The following PHC3 variants were observed in gnomAD, a reference collection of about 807,000 sequenced individuals.
The protein encoded by PHC3 is polyhomeotic-like protein 3.
Under a neutral mutation model 107.4 loss-of-function variants are expected in PHC3, and 13 were observed. That is an observed-to-expected ratio of 0.12 (90% CI 0.08 to 0.19). The LOEUF (loss-of-function observed/expected upper bound fraction) is 0.19, where lower values mean the gene tolerates loss of function less well. Among genes scored for constraint, PHC3 ranks in the 10% least tolerant of loss-of-function variants. The pLI, the probability that PHC3 is intolerant of heterozygous loss-of-function variation, is 1.00. For synonymous variants in PHC3, 456 were observed against 427.4 expected, an observed-to-expected ratio of 1.07 and a Z score of -0.83; for missense variants, 992 against 1,210.9, an observed-to-expected ratio of 0.82 and a Z score of 2.68.
chr3:170,172,572 G>A lies in PHC3; in HGVS notation c.321C>T (p.Ser107=). 2 of 1,613,164 alleles carry A rather than the reference G, an allele frequency of 1.2e-6. No homozygotes were observed. Among genetic ancestry groups the A allele is most frequent in the Non-Finnish European group, 1.7e-6 (2 of 1,179,698 alleles). Residue 107 remains serine (S), a synonymous_variant, in exon 3 of 15, where the codon AGC becomes AGT. Coordinates refer to ENST00000495893, the MANE Select transcript of PHC3 (RefSeq NM_024947.4). ...TTAGTCTTACCTGAACAGCAGCAAG[G>A]CTCTGAAGCTGGGAGCTGCTTAAAT... is the stretch of plus-strand genomic sequence containing the variant. The part of the protein sequence containing the change: ...QQHLSSSQLQ[S]LAAVQASLSS...
In PHC3 at chr3:170,102,880, A is replaced by C; in HGVS notation, c.2523T>G (p.Pro841=). 6.2e-7 allele frequency: 1 copy of C among 1,613,756 alleles called. No homozygotes were observed. Among genetic ancestry groups the C allele is most frequent in the African/African-American group, 1.3e-5 (1 of 75,038 alleles). The change falls in exon 13 of 15, where the codon CCT becomes CCG. Residue 841 remains proline, a synonymous_variant. Transcript: ENST00000495893. The stretch of plus-strand genomic sequence containing the variant: ...CACGATGCCCAAGACTTTGATTATC[A>C]GGCTTACGATTCCAACGACTAAGTG... ...KFALSRWNRK[P]DNQSLGHRGR...
chr3:170,154,892 T>C (rs775626200), intron 4 of PHC3, among the ~76,000 whole-genome samples: 8 of 152,206 alleles, frequency 5.3e-5, no homozygotes, highest in Non-Finnish European at 1.2e-4. Flanking sequence ...CTTTTTCCTG[T>C]GTTGCTCTGC....
At chr3:170,116,857 G>A (rs1422128955) in intron 10 of PHC3, among the ~76,000 whole-genome samples, 1 of 151,656 alleles carries the variant, frequency 6.6e-6, no homozygotes, top group Non-Finnish European at 1.5e-5. Context: ...GTAACAGTGA[G>A]CCATGATCGC....
At chr3:170,143,749 G>A (rs1171724414) in intron 6 of PHC3, among the ~76,000 whole-genome samples, 1 of 152,030 alleles carries the variant, frequency 6.6e-6, no homozygotes, top group Non-Finnish European at 1.5e-5. Context: ...AATGAGTTTT[G>A]ACATATCTAT....
intron 8 of PHC3, chr3:170,125,851 CA>C (rs1721158210): frequency 3.5e-6 from 1 of 283,828 alleles, no homozygotes; most frequent in Admixed American, 6.5e-5. Flanking sequence ...TTGAAAAAAG[CA>C]AAGTGGAGGT....
intron 12 of PHC3, 43 bp downstream of exon 12, chr3:170,106,789 G>T: frequency 1.4e-6 from 2 of 1,425,582 alleles, no homozygotes; most frequent in South Asian, 1.3e-5. Context: ...AGTTGCAATG[G>T]CTATTTATCT....
intron 1 of PHC3, among the ~76,000 whole-genome samples, chr3:170,180,860 T>C (rs928711544): frequency 2.0e-5 from 3 of 152,120 alleles, no homozygotes. Context: ...AGTCTAAACA[T>C]CGGTTGAGCG....
chr3:170,127,557 A>G (rs1417704040), intron 8 of PHC3, among the ~76,000 whole-genome samples: 1 of 152,236 alleles, frequency 6.6e-6, no homozygotes, highest in Non-Finnish European at 1.5e-5. Context: ...ACAAAAATCT[A>G]TACATTTGTA....
rs1384028354 is a variant in PHC3, at chr3:170,115,228, TATGG to T, written c.2194-1713_2194-1710del. On this transcript the variant is annotated intron_variant, in intron 10 of 14. Transcript: ENST00000495893. ...ACAATAATGGAAAGATTACATAAAT[TATGG>T]ATGTTCATAAAGTGAAATATTATGT... Among the ~76,000 whole-genome samples, 4 of 152,090 alleles carry T rather than the reference TATGG, an allele frequency of 2.6e-5. No individual in the cohort carries two copies. The East Asian group carries it at 7.7e-4, about 29-fold the overall frequency.
intron 8 of PHC3, 108 bp from the exon 9 acceptor site, chr3:170,122,852 G>C: frequency 3.1e-6 from 4 of 1,284,578 alleles, no homozygotes; most frequent in Non-Finnish European, 1.1e-6. Flanking sequence ...TAAAAACAAG[G>C]CAAAAATGAC....
chr3:170,135,468 G>C (rs1722925650), intron 7 of PHC3, among the ~76,000 whole-genome samples: 1 of 150,670 alleles, frequency 6.6e-6, no homozygotes, highest in South Asian at 2.1e-4. Context: ...TTTTTTTAAT[G>C]AAACATTTGT....
intron 4 of PHC3, among the ~76,000 whole-genome samples, chr3:170,160,797 C>A (rs913753137): frequency 1.3e-5 from 2 of 152,070 alleles, no homozygotes; most frequent in African/African-American, 4.8e-5. Flanking sequence ...ATCCCAGTTA[C>A]TCAGGAGGCT....
intron 6 of PHC3, among the ~76,000 whole-genome samples, chr3:170,143,689 CA>C (rs1319733597): frequency 1.3e-5 from 2 of 152,196 alleles, no homozygotes; most frequent in Admixed American, 1.3e-4. Context: ...CACTCTAATT[CA>C]TTCTTGTCAA....
intron 7 of PHC3, among the ~76,000 whole-genome samples, chr3:170,131,373 T>C (rs1233005556): frequency 6.6e-6 from 1 of 152,230 alleles, no homozygotes; most frequent in Non-Finnish European, 1.5e-5. Context: ...CTCTCATTCA[T>C]ACTTACAAAA....
intron 8 of PHC3, chr3:170,128,391 G>A: frequency 1.5e-6 from 2 of 1,335,864 alleles, no homozygotes; most frequent in South Asian, 2.6e-5. Context: ...GCATTCCCTT[G>A]GGGAAAAAAA....
intron 6 of PHC3, among the ~76,000 whole-genome samples, chr3:170,140,187 G>A (rs1723803215): frequency 6.8e-6 from 1 of 147,678 alleles, no homozygotes; most frequent in Non-Finnish European, 1.5e-5. Flanking sequence ...GTATTCCCCA[G>A]ATAGCCTTAC....
intron 4 of PHC3, among the ~76,000 whole-genome samples, chr3:170,162,587 AC>A (rs1482834426): frequency 1.3e-5 from 2 of 152,194 alleles, no homozygotes; most frequent in Non-Finnish European, 2.9e-5. Flanking sequence ...CTCTAATATC[AC>A]CATCATGATC....
At position 170,143,882 on chromosome 3, in the gene PHC3, T is replaced by C. The variant is rs186844142; in HGVS notation, c.672+1541A>G. On this transcript the variant is annotated intron_variant, in intron 6 of 14. Transcript: ENST00000495893. ...ACCCCAGATACCACTAATCTGATTGTTTTTCACTATAGTTTTTCCTGTTCT... is the reference window on the plus strand; with the variant it reads ...ACCCCAGATACCACTAATCTGATTGCTTTTCACTATAGTTTTTCCTGTTCT... Among the ~76,000 whole-genome samples the C allele has an allele frequency of 6.9e-4, 105 of 152,174 alleles. 1 individual carries two copies. The highest frequency in any genetic ancestry group is 2.4e-3 in the African/African-American group (99 of 41,540).
At chr3:170,114,724 G>T (rs1718563179) in intron 10 of PHC3, among the ~76,000 whole-genome samples, 2 of 152,212 alleles carry the variant, frequency 1.3e-5, no homozygotes, top group African/African-American at 4.8e-5. Flanking sequence ...TTGATTCACT[G>T]GTGAGCCCTC....
Sources: gnomAD v4.1 joint callset for allele counts (sites outside exome capture counted in the v4.1 genomes callset) on GRCh38, gnomAD v4.1.1 for gene constraint, MANE v1.5 for transcripts, NCBI Gene and HGNC (gene_info 2026-07-23, HGNC 2026-07-21) for gene names.